The following ACTR3C variants were observed in gnomAD, a reference collection of about 807,000 sequenced individuals.
ACTR3C encodes the protein actin-related protein 3C.
Under a neutral mutation model 26.3 loss-of-function variants are expected in ACTR3C, and 18 were observed. The ratio of observed to expected loss-of-function variants is 0.68; its 90% CI spans 0.47 to 1.01. The LOEUF (loss-of-function observed/expected upper bound fraction) is 1.01. Ranked by LOEUF, ACTR3C falls within the 50% of genes least tolerant of loss-of-function variation. The pLI is 0.00. For synonymous variants in ACTR3C, 55 were observed against 94.5 expected, an observed-to-expected ratio of 0.58 and a Z score of 2.42; for missense variants, 184 against 250.7, an observed-to-expected ratio of 0.73 and a Z score of 1.80.
At chr7:149,968,314 G>T in the ACTR3C span, among the ~76,000 whole-genome samples, 3 of 152,226 alleles carry the variant, frequency 2.0e-5, no homozygotes, top group Non-Finnish European at 4.4e-5. Context: ...GGGAGGCTGA[G>T]GCGGGTGGAT....
the ACTR3C span, among the ~76,000 whole-genome samples, chr7:150,095,964 G>A: frequency 2.1e-4 from 31 of 148,938 alleles, 1 homozygote; most frequent in South Asian, 6.3e-4. Context: ...TTATAGGGAC[G>A]TGGAGAAATG....
the ACTR3C span, among the ~76,000 whole-genome samples, chr7:150,053,557 C>T: frequency 2.0e-5 from 3 of 152,190 alleles, no homozygotes; most frequent in African/African-American, 4.8e-5. Context: ...GTCTGTGAGC[C>T]GCAGGGAACA....
the ACTR3C span, among the ~76,000 whole-genome samples, chr7:149,911,796 CT>C: frequency 6.6e-6 from 1 of 152,146 alleles, no homozygotes; most frequent in South Asian, 2.1e-4. Flanking sequence ...AGATCATGCA[CT>C]TTGGCACCAC....
At chr7:149,890,068 A>T in the ACTR3C span, among the ~76,000 whole-genome samples, 1 of 152,250 alleles carries the variant, frequency 6.6e-6, no homozygotes. Flanking sequence ...AGTTATTCCA[A>T]TAACTATTAG....
At chr7:150,126,459 T>C in the ACTR3C span, among the ~76,000 whole-genome samples, 111 of 151,618 alleles carry the variant, frequency 7.3e-4, 5 homozygotes, top group South Asian at 0.022. Context: ...TCTGAAAATA[T>C]GAAGCTCCAT....
the ACTR3C span, among the ~76,000 whole-genome samples, chr7:150,198,832 C>T: frequency 3.4e-4 from 49 of 144,422 alleles, 1 homozygote; most frequent in South Asian, 3.1e-3. Context: ...CCCGGCCAGC[C>T]GCCCCGTCTG....
At chr7:150,219,459 A>G in the ACTR3C span, among the ~76,000 whole-genome samples, 7 of 145,084 alleles carry the variant, frequency 4.8e-5, no homozygotes, top group African/African-American at 1.7e-4. Flanking sequence ...CGGCTTCCCT[A>G]TGTAACCCGG....
intron 6 of ACTR3C, among the ~76,000 whole-genome samples, chr7:150,273,612 T>A (rs1834621028): frequency 6.6e-6 from 1 of 150,492 alleles, no homozygotes; most frequent in South Asian, 2.1e-4. Flanking sequence ...AAGGTTTGTT[T>A]ACTTTCGCAG....
At chr7:150,044,792 A>T in the ACTR3C span, 3 of 152,234 alleles carry the variant, frequency 2.0e-5, no homozygotes, top group Non-Finnish European at 4.4e-5. Context: ...TTATAAAGGT[A>T]TGCTGCTTAC....
At chr7:149,887,581 C>T in the ACTR3C span, among the ~76,000 whole-genome samples, 4 of 152,188 alleles carry the variant, frequency 2.6e-5, no homozygotes, top group Admixed American at 6.5e-5. Flanking sequence ...CCCATAGTGT[C>T]GCTGGCTTGC....
the ACTR3C span, among the ~76,000 whole-genome samples, chr7:150,099,541 C>G: frequency 0.023 from 3,424 of 151,324 alleles, 133 homozygotes; most frequent in African/African-American, 0.08. Context: ...ATGGGACATC[C>G]GACCCTAGGC....
chr7:149,987,710 T>C, the ACTR3C span, among the ~76,000 whole-genome samples: 3 of 148,904 alleles, frequency 2.0e-5, no homozygotes, highest in East Asian at 2.0e-4. Context: ...TTCAATTGCA[T>C]ACAGGTACCA....
the ACTR3C span, among the ~76,000 whole-genome samples, chr7:150,193,372 C>T: frequency 9.5e-5 from 14 of 147,542 alleles, no homozygotes; most frequent in African/African-American, 3.0e-4. Flanking sequence ...TACCAGTTTT[C>T]GGTTTAATTG....
At chr7:150,066,274 T>C in the ACTR3C span, among the ~76,000 whole-genome samples, 1 of 152,160 alleles carries the variant, frequency 6.6e-6, no homozygotes, top group Non-Finnish European at 1.5e-5. Context: ...GATAAAGGCA[T>C]GGGAAGGATC....
At chr7:150,198,916 G>T in the ACTR3C span, among the ~76,000 whole-genome samples, 2 of 141,274 alleles carry the variant, frequency 1.4e-5, no homozygotes, top group Non-Finnish European at 3.0e-5. Context: ...CAGCCGCCCC[G>T]TCCGGGAGGG....
chr7:150,206,403 T>A, the ACTR3C span, among the ~76,000 whole-genome samples: 1 of 151,410 alleles, frequency 6.6e-6, no homozygotes. Flanking sequence ...GTGGGTGGGG[T>A]TTTTTTTATT....
the ACTR3C span, among the ~76,000 whole-genome samples, chr7:149,954,741 A>G: frequency 7.2e-5 from 11 of 152,252 alleles, no homozygotes; most frequent in African/African-American, 2.7e-4. Context: ...TAAGGTCATT[A>G]TCAATGTATC....
At chr7:150,117,588 G>A in the ACTR3C span, among the ~76,000 whole-genome samples, 6 of 152,208 alleles carry the variant, frequency 3.9e-5, no homozygotes, top group Non-Finnish European at 7.3e-5. Flanking sequence ...CCCAGTCAGG[G>A]GCATATAGAT....
the ACTR3C span, among the ~76,000 whole-genome samples, chr7:149,929,425 C>A: frequency 4.3e-3 from 210 of 49,092 alleles, no homozygotes; most frequent in African/African-American, 0.012. Flanking sequence ...AAGATTCTGT[C>A]AAAAAAAAAA....
Sources: gnomAD v4.1 joint callset for allele counts (sites outside exome capture counted in the v4.1 genomes callset) on GRCh38, gnomAD v4.1.1 for gene constraint, MANE v1.5 for transcripts, NCBI Gene and HGNC (gene_info 2026-07-23, HGNC 2026-07-21) for gene names.